ALDH7A1: variants seen among roughly 807,000 people sequenced by gnomAD.
ALDH7A1 encodes alpha-aminoadipic semialdehyde dehydrogenase.
A neutral mutation model predicts 79.9 loss-of-function variants in ALDH7A1; 63 were observed. The observed-to-expected ratio is 0.79, with a 90% CI of 0.64 to 0.97. ALDH7A1 has a LOEUF of 0.97. ALDH7A1 is among the 50% of genes least tolerant of loss of function. The pLI, the probability that ALDH7A1 is intolerant of heterozygous loss-of-function variation, is 0.00. For missense variants in ALDH7A1, 627 were observed against 665.2 expected (o/e 0.94, Z 0.63); for synonymous variants, 240 against 231.2 (o/e 1.04, Z -0.34).
At chr5:126,593,469 C>A in intron 1 of ALDH7A1, 65 bp from the exon 2 acceptor site, 1 of 1,604,128 alleles carries the variant, frequency 6.2e-7, no homozygotes, top group South Asian at 1.1e-5. Context: ...AGGGAATAGA[C>A]CAAACGGGGA....
At chr5:126,579,016 G>A (rs571534901) in intron 5 of ALDH7A1, among the ~76,000 whole-genome samples, 1 of 135,926 alleles carries the variant, frequency 7.4e-6, no homozygotes, top group South Asian at 2.4e-4. Context: ...TCCTGGCAGG[G>A]CCTGCCTCCT....
Position 126,556,009 on chromosome 5 carries a change from G to T in ALDH7A1, c.1015C>A (p.His339Asn). ...RCTTARRLFI[H>N]ESIHDEVVNR... ...ACAACCTCATCATGGATGCTTTCATGTATAAACTAAACGAAAAAAGATATT... is the reference window on the plus strand; with the variant it reads ...ACAACCTCATCATGGATGCTTTCATTTATAAACTAAACGAAAAAAGATATT... Residue 339 changes from histidine (H) to asparagine (N), a missense_variant, in exon 12 of 18, where the codon CAT becomes AAT. Physicochemically the swap from His to Asn is moderately conservative, Grantham distance 68. Coordinates refer to ENST00000409134, the MANE Select transcript of ALDH7A1 (RefSeq NM_001182.5). 6.2e-7 allele frequency: 1 copy of T among 1,611,810 alleles called. No homozygotes were observed. Among genetic ancestry groups the T allele is most frequent in the African/African-American group, 1.3e-5 (1 of 74,918 alleles).
chr5:126,551,511 C>CG (rs1209554756), intron 14 of ALDH7A1, among the ~76,000 whole-genome samples: 1 of 151,932 alleles, frequency 6.6e-6, no homozygotes, highest in Non-Finnish European at 1.5e-5. Flanking sequence ...TTAGTAGAGA[C>CG]GGGGTTTCAC....
chr5:126,583,701 G>A (rs540309424), intron 4 of ALDH7A1, among the ~76,000 whole-genome samples: 3 of 149,274 alleles, frequency 2.0e-5, no homozygotes, highest in South Asian at 2.1e-4. Context: ...TTAGCCAGCC[G>A]TGGTGGCACA....
At chr5:126,550,819 T>C (rs1749971681) in intron 14 of ALDH7A1, among the ~76,000 whole-genome samples, 1 of 152,246 alleles carries the variant, frequency 6.6e-6, no homozygotes, top group Non-Finnish European at 1.5e-5. Context: ...AAAGAAGCAA[T>C]GATGTAATTG....
intron 1 of ALDH7A1, 147 bp downstream of exon 1, chr5:126,594,860 T>C: frequency 9.1e-7 from 1 of 1,099,674 alleles, no homozygotes; most frequent in Non-Finnish European, 1.3e-6. Context: ...AAAGGCACCC[T>C]ACACGAGAAA....
At position 126,575,459 on chromosome 5, in the gene ALDH7A1, C is replaced by G. The variant is rs202084501; in HGVS notation, c.656G>C (p.Gly219Ala). 2.0e-5 allele frequency: 33 copies of G among 1,612,390 alleles called. No homozygotes were observed. Among genetic ancestry groups the G allele is most frequent in the Middle Eastern group, 1.7e-4 (1 of 6,056 alleles). The change falls in exon 7 of 18, where the codon GGA (glycine) becomes GCA (alanine). Residue 219 changes from glycine to alanine, a missense_variant. Transcript: ENST00000409134. ...MICGNVCLWKGAPTTSLISVA... is the reference protein window; with the variant it reads ...MICGNVCLWKAAPTTSLISVA... The stretch of plus-strand genomic sequence containing the variant: ...ACTAATGAGGGAAGTGGTTGGAGCT[C>G]CTTTCCTTAAGAAGGTTAAAACAAA...
intron 8 of ALDH7A1, chr5:126,568,815 AG>A: frequency 5.2e-6 from 1 of 192,598 alleles, no homozygotes; most frequent in East Asian, 1.2e-4. Context: ...GCTACTTGGG[AG>A]GCTGAGGTAG....
chr5:126,567,498 G>T (rs527926249), intron 9 of ALDH7A1, among the ~76,000 whole-genome samples: 5 of 151,212 alleles, frequency 3.3e-5, no homozygotes, highest in East Asian at 1.9e-4. Flanking sequence ...TTTTTAGACG[G>T]AGTCTCACTC....
intron 16 of ALDH7A1, 112 bp from the exon 17 acceptor site, chr5:126,546,511 A>T (rs1749791788): frequency 1.1e-6 from 1 of 943,080 alleles, no homozygotes. Context: ...CTGATTATTT[A>T]CTTTACATTT....
chr5:126,552,693 G>A (rs1032157252), intron 13 of ALDH7A1, among the ~76,000 whole-genome samples: 30 of 151,928 alleles, frequency 2.0e-4, no homozygotes, highest in African/African-American at 5.3e-4. Context: ...CAACATGCCC[G>A]GCCACAAACA....
rs776970476 is a variant in ALDH7A1, at chr5:126,577,239, C to A, written c.518-28G>T. On this transcript the variant is annotated intron_variant, in intron 5 of 17. Coordinates refer to ENST00000409134, the MANE Select transcript of ALDH7A1 (RefSeq NM_001182.5). ...GAGGACAGAAAAAGGATGGAACATGCAGAAGCATGTTAATTTAATGCCCAT... is the reference window on the plus strand; with the variant it reads ...GAGGACAGAAAAAGGATGGAACATGAAGAAGCATGTTAATTTAATGCCCAT... The A allele has an allele frequency of 7.4e-6, 12 of 1,613,190 alleles. No individual in the cohort carries two copies. In the African/African-American group the frequency reaches 1.6e-4, roughly 22 times the overall value.
chr5:126,578,093 A>G (rs1751039085), intron 5 of ALDH7A1, among the ~76,000 whole-genome samples: 2 of 151,334 alleles, frequency 1.3e-5, no homozygotes, highest in African/African-American at 4.8e-5. Flanking sequence ...GTTCAAGATC[A>G]GCCTGGCCAA....
In ALDH7A1 at chr5:126,585,244, G is replaced by A. The variant is rs984352667; in HGVS notation, c.313-1232C>T. Among the ~76,000 whole-genome samples, 16 of 152,210 alleles carry A rather than the reference G, an allele frequency of 1.1e-4. 1 individual carries two copies. The highest frequency in any genetic ancestry group is 1.6e-4 in the Non-Finnish European group (11 of 68,038). ...ACCCCGGAGGGGGAGGTTGCAGGGA[G>A]CTGAGATCCCGCCATTGCACTCCGG... is the stretch of plus-strand genomic sequence containing the variant. On this transcript the variant is annotated intron_variant, in intron 3 of 17. Transcript: ENST00000409134.
intron 11 of ALDH7A1, among the ~76,000 whole-genome samples, chr5:126,557,962 G>C (rs1750256881): frequency 6.6e-6 from 1 of 151,722 alleles, no homozygotes; most frequent in South Asian, 2.1e-4. Context: ...GAGGTCAGGA[G>C]TTCAAGACCA....
At chr5:126,575,318 C>G (rs1750927467) in intron 7 of ALDH7A1, 102 bp downstream of exon 7, 1 of 1,096,472 alleles carries the variant, frequency 9.1e-7, no homozygotes, top group Non-Finnish European at 1.3e-6. Flanking sequence ...TATCCAAATT[C>G]CATGCTATGT....
chr5:126,550,216 G>A lies in ALDH7A1; in HGVS notation c.1395C>T (p.Gly465=). ...TGTACCCAAGCCAGCGAAAGATTCT[G>A]CCCAGATCTTTGGTAAAGATGCTAC... The part of the protein sequence containing the change: ...LSSSIFTKDL[G]RIFRWLGPKG... The change falls in exon 15 of 18, where the codon GGC becomes GGT. Residue 465 remains glycine, a synonymous_variant. Coordinates refer to ENST00000409134, the MANE Select transcript of ALDH7A1 (RefSeq NM_001182.5). 6.2e-7 allele frequency: 1 copy of A among 1,612,852 alleles called. No individual in the cohort carries two copies. Among genetic ancestry groups the A allele is most frequent in the Non-Finnish European group, 8.5e-7 (1 of 1,179,822 alleles).
chr5:126,566,581 T>C (rs1336526840), intron 9 of ALDH7A1, among the ~76,000 whole-genome samples: 1 of 152,162 alleles, frequency 6.6e-6, no homozygotes, highest in Admixed American at 6.6e-5. Context: ...CAGCCAAAAA[T>C]TGATAGCCAA....
At chr5:126,576,537 C>T (rs112822160) in intron 6 of ALDH7A1, among the ~76,000 whole-genome samples, 229 of 152,228 alleles carry the variant, frequency 1.5e-3, no homozygotes, top group African/African-American at 5.1e-3. Flanking sequence ...TAAAATATAA[C>T]ATTTTTACTA....
Sources: gnomAD v4.1 joint callset for allele counts (sites outside exome capture counted in the v4.1 genomes callset) on GRCh38, gnomAD v4.1.1 for gene constraint, MANE v1.5 for transcripts, NCBI Gene and HGNC (gene_info 2026-07-23, HGNC 2026-07-21) for gene names.